Variants in ARID1B observed in about 807,000 individuals in gnomAD.
The protein encoded by ARID1B is AT-rich interactive domain-containing protein 1B.
ARID1B carries 30 observed loss-of-function variants against 212.3 expected under a neutral mutation model. That is an observed-to-expected ratio of 0.14 (90% CI 0.11 to 0.19). The LOEUF is 0.19. ARID1B is among the 10% of genes least tolerant of loss of function. The pLI is 1.00. For missense variants in ARID1B, 2,891 were observed against 3,204.0 expected (o/e 0.90, Z 2.36); for synonymous variants, 1,402 against 1,301.7 (o/e 1.08, Z -1.66).
intron 4 of ARID1B, among the ~76,000 whole-genome samples, chr6:157,048,331 T>C (rs1424857131): frequency 1.3e-5 from 2 of 152,250 alleles, no homozygotes; most frequent in African/African-American, 4.8e-5. Flanking sequence ...CACTGATAAA[T>C]ACTTGTAAAA....
At chr6:157,135,477 A>T (rs894216418) in intron 7 of ARID1B, among the ~76,000 whole-genome samples, 2 of 152,166 alleles carry the variant, frequency 1.3e-5, no homozygotes, top group African/African-American at 4.8e-5. Context: ...CTGGTGCCTG[A>T]AAGTTGGGCA....
At position 156,887,872 on chromosome 6, in the gene ARID1B, C is replaced by T. The variant is rs189431625; in HGVS notation, c.1987-13504C>T. ...TACGATCCCCAGGGTGGAAAGTGGC[C>T]TGCAGTGAATGGTCTCGCTCCTCCT... is the stretch of plus-strand genomic sequence containing the variant. On this transcript the variant is annotated intron_variant, in intron 2 of 19. Transcript: ENST00000636930. Among the ~76,000 whole-genome samples the T allele has an allele frequency of 3.8e-4, 58 of 152,312 alleles. No individual in the cohort carries two copies. In the East Asian group the frequency reaches 0.011, roughly 28 times the overall value.
chr6:156,849,348 A>G (rs1020288247), intron 2 of ARID1B, among the ~76,000 whole-genome samples: 1 of 152,174 alleles, frequency 6.6e-6, no homozygotes, highest in Non-Finnish European at 1.5e-5. Flanking sequence ...AATGCCATTG[A>G]TACCTTGCTT....
At chr6:156,897,240 C>CTTA (rs1562468403) in intron 2 of ARID1B, among the ~76,000 whole-genome samples, 4 of 101,112 alleles carry the variant, frequency 4.0e-5, no homozygotes, top group African/African-American at 1.1e-4. Context: ...TCTTCTTCTT[C>CTTA]TTCTTCTTCT....
chr6:156,846,125 C>T (rs1037343223), intron 2 of ARID1B, among the ~76,000 whole-genome samples: 7 of 150,560 alleles, frequency 4.6e-5, no homozygotes, highest in African/African-American at 1.2e-4. Flanking sequence ...TTCACCTATA[C>T]GGTCTTTCTG....
chr6:156,884,600 G>C (rs1787359599), intron 2 of ARID1B, among the ~76,000 whole-genome samples: 1 of 152,142 alleles, frequency 6.6e-6, no homozygotes, highest in South Asian at 2.1e-4. Flanking sequence ...TCCAGCAGTT[G>C]GTTTTTCCTG....
chr6:156,901,331 T>C (rs746489368), intron 2 of ARID1B, 45 bp from the exon 3 acceptor site: 1 of 1,611,490 alleles, frequency 6.2e-7, no homozygotes, highest in Non-Finnish European at 8.5e-7. Flanking sequence ...TTCATTTAAT[T>C]GCACATTTTG....
At chr6:156,786,554 A>T (rs748891559) in intron 1 of ARID1B, among the ~76,000 whole-genome samples, 2 of 152,156 alleles carry the variant, frequency 1.3e-5, no homozygotes, top group Non-Finnish European at 2.9e-5. Flanking sequence ...TCTTTGTAAG[A>T]TCAGTTATGT....
chr6:156,855,578 A>G (rs917355252), intron 2 of ARID1B, among the ~76,000 whole-genome samples: 3 of 152,248 alleles, frequency 2.0e-5, no homozygotes, highest in Non-Finnish European at 2.9e-5. Context: ...TAATCATTTT[A>G]TAATTATATT....
At chr6:157,120,451 G>A (rs1298891123) in intron 6 of ARID1B, among the ~76,000 whole-genome samples, 2 of 152,160 alleles carry the variant, frequency 1.3e-5, no homozygotes, top group African/African-American at 2.4e-5. Context: ...GGTGTGGCGC[G>A]GGGGGCCTGG....
chr6:157,042,425 A>C (rs764245454), intron 4 of ARID1B, among the ~76,000 whole-genome samples: 72 of 148,842 alleles, frequency 4.8e-4, no homozygotes, highest in Non-Finnish European at 6.7e-4. Context: ...AAATATTTTG[A>C]TAGGGTGTTT....
intron 4 of ARID1B, among the ~76,000 whole-genome samples, chr6:156,995,626 T>C (rs544554229): frequency 6.6e-6 from 1 of 152,350 alleles, no homozygotes; most frequent in South Asian, 2.1e-4. Context: ...TAGACTTCAC[T>C]GACATGGACA....
chr6:156,832,594 C>G (rs1783216542), intron 2 of ARID1B, among the ~76,000 whole-genome samples: 1 of 152,194 alleles, frequency 6.6e-6, no homozygotes, highest in African/African-American at 2.4e-5. Flanking sequence ...GAGTTGCCCA[C>G]TTACCAGCTG....
In ARID1B at chr6:157,208,977, G is replaced by A. The variant is rs1345154580; in HGVS notation, c.*1086G>A. 4.4e-6 allele frequency: 1 copy of A among 229,764 alleles called. No homozygotes were observed. The highest frequency in any genetic ancestry group is 6.2e-5 in the East Asian group (1 of 16,096). The allele number at this position is 229,764 out of a possible 1,614,324, so 14.2% of individuals were successfully genotyped here. Reference sequence around the variant, plus strand: ...CAATTTGCTTCATGAATCAAGGTGTGGAAATGGTTATATATGGATTGATTT... The same window carrying A: ...CAATTTGCTTCATGAATCAAGGTGTAGAAATGGTTATATATGGATTGATTT... On this transcript the variant is annotated 3_prime_UTR_variant, in exon 20 of 20. Coordinates refer to ENST00000636930, the MANE Select transcript of ARID1B (RefSeq NM_001374828.1).
rs573721201 is a variant in ARID1B at position 156,786,153 on chromosome 6, A to G, written c.1791+6682A>G. On this transcript the variant is annotated intron_variant, in intron 1 of 19. Transcript: ENST00000636930. ...ATTTGTAGTCTCTTAAAAATTATTA[A>G]TTTTATTTTCCCACTATTAGTGAAA... Among the ~76,000 whole-genome samples the G allele has an allele frequency of 5.9e-5, 9 of 152,142 alleles. No homozygotes were observed. In the East Asian group the frequency reaches 1.7e-3, roughly 29 times the overall value.
intron 15 of ARID1B, 62 bp from the exon 16 acceptor site, chr6:157,196,103 A>G (rs2128355307): frequency 6.3e-7 from 1 of 1,580,286 alleles, no homozygotes; most frequent in East Asian, 2.2e-5. Flanking sequence ...ACTAGAAGGG[A>G]TGGATGGGCC....
chr6:157,133,675 G>A (rs374351181), intron 7 of ARID1B, among the ~76,000 whole-genome samples: 23 of 152,296 alleles, frequency 1.5e-4, no homozygotes, highest in African/African-American at 4.8e-4. Context: ...CCGAGGTGCC[G>A]CATCAGGTCA....
intron 7 of ARID1B, chr6:157,140,688 C>G (rs1789282449): frequency 2.5e-6 from 1 of 398,550 alleles, no homozygotes; most frequent in African/African-American, 2.1e-5. Flanking sequence ...CGAGACCCAC[C>G]TCCTGGGAGG....
intron 5 of ARID1B, among the ~76,000 whole-genome samples, chr6:157,102,492 A>T (rs1256626497): frequency 6.6e-6 from 1 of 151,376 alleles, no homozygotes; most frequent in African/African-American, 2.4e-5. Flanking sequence ...ACATTTATTT[A>T]TGAAGCCTTC....
Sources: allele counts gnomAD v4.1 joint callset (sites outside exome capture counted in the v4.1 genomes callset), GRCh38; gene constraint gnomAD v4.1.1; transcripts MANE v1.5; gene names NCBI Gene and HGNC (gene_info 2026-07-23, HGNC 2026-07-21).